The following NAALADL2 variants were observed in gnomAD, a reference collection of about 807,000 sequenced individuals.
NAALADL2 encodes inactive N-acetylated-alpha-linked acidic dipeptidase-like protein 2.
Under a neutral mutation model 87.2 loss-of-function variants are expected in NAALADL2, and 76 were observed. The ratio of observed to expected loss-of-function variants is 0.87; its 90% CI spans 0.72 to 1.05. NAALADL2 has a LOEUF of 1.05. Ranked by LOEUF, NAALADL2 falls within the 50% of genes least tolerant of loss-of-function variation. The probability of loss-of-function intolerance (pLI) is 0.00; values close to 1 mark genes in which losing one functional copy is unlikely to be tolerated. For missense variants in NAALADL2, 1,089 were observed against 945.8 expected (o/e 1.15, Z -1.99); for synonymous variants, 354 against 331.0 (o/e 1.07, Z -0.75).
At chr3:175,609,027 T>C (rs1346028735) in intron 10 of NAALADL2, among the ~76,000 whole-genome samples, 1 of 151,718 alleles carries the variant, frequency 6.6e-6, no homozygotes, top group Non-Finnish European at 1.5e-5. Flanking sequence ...TAGTAATTGT[T>C]TGTACTAAGC....
intron 5 of NAALADL2, among the ~76,000 whole-genome samples, chr3:175,328,368 A>ATAGGGCC (rs1447898849): frequency 1.3e-5 from 2 of 152,004 alleles, no homozygotes; most frequent in Non-Finnish European, 2.9e-5. Context: ...TTGAACCTGT[A>ATAGGGCC]TAGGTTTATC....
At chr3:174,946,847 T>C (rs148619696) in intron 1 of NAALADL2, among the ~76,000 whole-genome samples, 26 of 152,322 alleles carry the variant, frequency 1.7e-4, no homozygotes, top group African/African-American at 5.5e-4. Flanking sequence ...GCAATTCTTA[T>C]ATTCATTTAT....
intron 9 of NAALADL2, among the ~76,000 whole-genome samples, chr3:175,498,402 A>G (rs780887374): frequency 2.6e-5 from 4 of 152,100 alleles, no homozygotes; most frequent in Admixed American, 6.6e-5. Flanking sequence ...CCCCAGTCCA[A>G]GAAGTCTTTA....
chr3:175,283,272 AAAG>A (rs1473169523), intron 4 of NAALADL2, among the ~76,000 whole-genome samples: 1 of 152,146 alleles, frequency 6.6e-6, no homozygotes, highest in Non-Finnish European at 1.5e-5. Context: ...CAGGAAGCAC[AAAG>A]AAGCATGGAT....
At chr3:175,181,486 A>T (rs969694005) in intron 2 of NAALADL2, among the ~76,000 whole-genome samples, 12 of 151,392 alleles carry the variant, frequency 7.9e-5, no homozygotes, top group African/African-American at 2.9e-4. Flanking sequence ...CTGCCCCTAA[A>T]TTCTGGTAAC....
chr3:175,309,565 A>G (rs1357556518), intron 4 of NAALADL2, among the ~76,000 whole-genome samples: 1 of 152,094 alleles, frequency 6.6e-6, no homozygotes, highest in Admixed American at 6.6e-5. Context: ...ATTATAGAAG[A>G]ACTAGAAGAC....
intron 1 of NAALADL2, among the ~76,000 whole-genome samples, chr3:175,068,072 C>T (rs1559983331): frequency 6.6e-6 from 1 of 151,986 alleles, no homozygotes; most frequent in Non-Finnish European, 1.5e-5. Context: ...GAATGAGAGA[C>T]TCTAGGAACT....
intron 1 of NAALADL2, among the ~76,000 whole-genome samples, chr3:174,959,755 T>G (rs1163659106): frequency 6.6e-6 from 1 of 152,108 alleles, no homozygotes; most frequent in Non-Finnish European, 1.5e-5. Flanking sequence ...TAATGCCTTT[T>G]ATCCAAGTGA....
In NAALADL2 at chr3:174,963,699, A is replaced by T. The variant is rs556723901; in HGVS notation, c.43+104249A>T. 5.9e-5 allele frequency among the ~76,000 whole-genome samples: 9 copies of T among 152,282 alleles called. No individual in the cohort carries two copies. The South Asian group carries it at 6.2e-4, about 11-fold the overall frequency. ...TTTGATATCACTGTGTATGTGTAGTACTTGGCACATATTACGAGCTCAACA... is the reference window on the plus strand; with the variant it reads ...TTTGATATCACTGTGTATGTGTAGTTCTTGGCACATATTACGAGCTCAACA... On this transcript the variant is annotated intron_variant, in intron 1 of 13. Transcript: ENST00000454872.
At chr3:175,039,334 T>C (rs1341035103) in intron 1 of NAALADL2, among the ~76,000 whole-genome samples, 1 of 152,118 alleles carries the variant, frequency 6.6e-6, no homozygotes, top group Non-Finnish European at 1.5e-5. Flanking sequence ...GCCTGGCTAA[T>C]TTTTTATATT....
chr3:174,923,280 C>A (rs1047842694), intron 1 of NAALADL2, among the ~76,000 whole-genome samples: 1 of 152,010 alleles, frequency 6.6e-6, no homozygotes, highest in Non-Finnish European at 1.5e-5. Context: ...ATAACTAGAA[C>A]AACAAAATAA....
chr3:175,209,160 C>T (rs570074612), intron 2 of NAALADL2, among the ~76,000 whole-genome samples: 23 of 152,012 alleles, frequency 1.5e-4, no homozygotes, highest in Admixed American at 1.2e-3. Flanking sequence ...TAAAACATGT[C>T]GTCTGTTCCT....
chr3:175,100,394 T>G (rs1389236044), intron 2 of NAALADL2, among the ~76,000 whole-genome samples: 1 of 152,148 alleles, frequency 6.6e-6, no homozygotes, highest in Admixed American at 6.5e-5. Flanking sequence ...AAGCCTCAAA[T>G]CCAGTGGAAA....
At chr3:175,525,257 T>C (rs1425151291) in intron 9 of NAALADL2, among the ~76,000 whole-genome samples, 3 of 152,132 alleles carry the variant, frequency 2.0e-5, no homozygotes, top group Non-Finnish European at 4.4e-5. Flanking sequence ...ACCCACTTAA[T>C]AAGGAAACTA....
At chr3:175,123,792 A>T (rs1726505212) in intron 2 of NAALADL2, among the ~76,000 whole-genome samples, 1 of 152,014 alleles carries the variant, frequency 6.6e-6, no homozygotes. Flanking sequence ...TGACCATGTT[A>T]AATTTTGTGC....
rs539601288 is a variant in NAALADL2 at position 175,761,635 on chromosome 3, T to G, written c.2189+6217T>G. ...TGTCCACCAGTAGTCAATGAAACTT[T>G]CAGTTGCTCCACATCTTCATCCGCA... On this transcript the variant is annotated intron_variant, in intron 13 of 13. Coordinates refer to ENST00000454872, the MANE Select transcript of NAALADL2 (RefSeq NM_207015.3). Among the ~76,000 whole-genome samples, 4 of 152,348 alleles carry G rather than the reference T, an allele frequency of 2.6e-5. No individual in the cohort carries two copies. The South Asian group carries it at 6.2e-4, about 24-fold the overall frequency.
At chr3:174,486,030 T>G (rs1717837558) in intron 1 of NAALADL2, among the ~76,000 whole-genome samples, 1 of 151,998 alleles carries the variant, frequency 6.6e-6, no homozygotes, top group Non-Finnish European at 1.5e-5. Flanking sequence ...ACCATTCAAC[T>G]CAGCAGTCCC....
At chr3:175,132,821 G>A (rs1439190726) in intron 2 of NAALADL2, among the ~76,000 whole-genome samples, 7 of 151,794 alleles carry the variant, frequency 4.6e-5, no homozygotes, top group East Asian at 2.0e-4. Context: ...GATGGCTGCC[G>A]GGCGGAGATG....
chr3:175,542,919 G>C (rs1042145304), intron 9 of NAALADL2, among the ~76,000 whole-genome samples: 2 of 152,142 alleles, frequency 1.3e-5, no homozygotes, highest in Non-Finnish European at 2.9e-5. Flanking sequence ...TAATAGACTG[G>C]ATAGAGGTAA....
Sources: allele counts gnomAD v4.1 joint callset (sites outside exome capture counted in the v4.1 genomes callset), GRCh38; gene constraint gnomAD v4.1.1; transcripts MANE v1.5; gene names NCBI Gene and HGNC (gene_info 2026-07-23, HGNC 2026-07-21).